The following CSMD1 variants were observed in gnomAD, a reference collection of about 807,000 sequenced individuals.
CSMD1 encodes CUB and Sushi multiple domains 1, also known as CUB and sushi domain-containing protein 1.
A neutral mutation model predicts 417.5 loss-of-function variants in CSMD1; 213 were observed. The observed-to-expected ratio is 0.51, with a 90% CI of 0.46 to 0.57. The LOEUF (loss-of-function observed/expected upper bound fraction) is 0.57. CSMD1 is among the 20% of genes least tolerant of loss of function. The pLI is 0.00. For missense variants in CSMD1, 6,923 were observed against 4,529.7 expected, an observed-to-expected ratio of 1.53 and a Z score of -15.17; for synonymous variants, 2,862 against 1,736.8, an observed-to-expected ratio of 1.65 and a Z score of -16.11.
At chr8:4,925,790 G>A (rs1335135463) in intron 1 of CSMD1, among the ~76,000 whole-genome samples, 1 of 151,996 alleles carries the variant, frequency 6.6e-6, no homozygotes, top group Non-Finnish European at 1.5e-5. Context: ...CTCGTGATCC[G>A]CCCTCCTCGG....
At chr8:4,576,215 C>G (rs952567120) in intron 2 of CSMD1, among the ~76,000 whole-genome samples, 2 of 152,192 alleles carry the variant, frequency 1.3e-5, no homozygotes, top group African/African-American at 4.8e-5. Flanking sequence ...ACTCCAGTCC[C>G]CACCTCGTCT....
intron 10 of CSMD1, among the ~76,000 whole-genome samples, chr8:3,511,429 C>A (rs1032225082): frequency 1.3e-5 from 2 of 151,488 alleles, no homozygotes; most frequent in Admixed American, 1.3e-4. Context: ...ATGATCTGTA[C>A]CTATCCTCCA....
chr8:4,462,028 C>A (rs1301143371), intron 2 of CSMD1, among the ~76,000 whole-genome samples: 2 of 151,910 alleles, frequency 1.3e-5, no homozygotes, highest in Non-Finnish European at 2.9e-5. Context: ...GGCTGAGCCA[C>A]CACGTCTGGC....
rs59633283 is a variant in CSMD1, at chr8:4,522,789, T to A, written c.303-102724A>T. Among the ~76,000 whole-genome samples, 522 of 152,278 alleles carry A rather than the reference T, an allele frequency of 3.4e-3. 4 individuals are homozygous for A. The highest frequency in any genetic ancestry group is 0.011 in the African/African-American group (446 of 41,566). On this transcript the variant is annotated intron_variant, in intron 2 of 69. Coordinates refer to ENST00000635120, the MANE Select transcript of CSMD1 (RefSeq NM_033225.6). ...TGAAGGAGTCCTGGTAGCAGTGATG[T>A]GGCAAGGACTGCAGAAATAAGAACA...
At chr8:3,498,611 T>C (rs1260671312) in intron 10 of CSMD1, among the ~76,000 whole-genome samples, 2 of 152,212 alleles carry the variant, frequency 1.3e-5, no homozygotes, top group Non-Finnish European at 2.9e-5. Flanking sequence ...TCTGATCTCT[T>C]CTCCTTCTAG....
At chr8:4,065,667 C>T (rs1799208050) in intron 3 of CSMD1, among the ~76,000 whole-genome samples, 1 of 152,200 alleles carries the variant, frequency 6.6e-6, no homozygotes, top group South Asian at 2.1e-4. Context: ...CATGACACTA[C>T]CAACTTCTGG....
intron 41 of CSMD1, among the ~76,000 whole-genome samples, chr8:3,126,333 G>C (rs998386706): frequency 6.6e-6 from 1 of 152,224 alleles, no homozygotes; most frequent in African/African-American, 2.4e-5. Flanking sequence ...TCAAGGCAAA[G>C]CCCTCGAGCA....
At chr8:3,178,250 T>G (rs577856843) in intron 37 of CSMD1, among the ~76,000 whole-genome samples, 1 of 152,116 alleles carries the variant, frequency 6.6e-6, no homozygotes, top group South Asian at 2.1e-4. Context: ...CAGTGTCCAT[T>G]TGGATGTACT....
intron 1 of CSMD1, among the ~76,000 whole-genome samples, chr8:4,775,171 C>G (rs998307349): frequency 6.6e-6 from 1 of 152,124 alleles, no homozygotes; most frequent in Non-Finnish European, 1.5e-5. Flanking sequence ...TTCTAATATT[C>G]TCAACATCAA....
chr8:3,928,287 T>G (rs1168386859), intron 5 of CSMD1, among the ~76,000 whole-genome samples: 1 of 152,218 alleles, frequency 6.6e-6, no homozygotes, highest in Non-Finnish European at 1.5e-5. Context: ...AATGTTACAT[T>G]GATTATTCAA....
intron 2 of CSMD1, among the ~76,000 whole-genome samples, chr8:4,484,994 AAAAAAAAAAAAAAAAAAAAAAAAAAAG>A (rs1801298350): frequency 4.7e-5 from 1 of 21,450 alleles, no homozygotes; most frequent in South Asian, 1.8e-3. Flanking sequence ...AAAAAAAAAA[AAAAAAAAAAAAAAAAAAAAAAAAAAAG>A]AAAGAGTCAC....
chr8:3,859,309 C>T (rs1804527894), intron 5 of CSMD1, among the ~76,000 whole-genome samples: 1 of 152,218 alleles, frequency 6.6e-6, no homozygotes, highest in African/African-American at 2.4e-5. Context: ...TGGCAACCTA[C>T]ATTCGCTCGG....
intron 6 of CSMD1, among the ~76,000 whole-genome samples, chr8:3,737,355 C>A (rs1484743098): frequency 6.6e-6 from 1 of 152,156 alleles, no homozygotes; most frequent in African/African-American, 2.4e-5. Context: ...TGTGACCCCC[C>A]TTTCTCTATC....
intron 5 of CSMD1, among the ~76,000 whole-genome samples, chr8:3,834,433 G>A (rs968218822): frequency 2.6e-5 from 4 of 152,268 alleles, no homozygotes; most frequent in East Asian, 1.9e-4. Context: ...AAGTGGGGCA[G>A]ACTCACTGGG....
intron 5 of CSMD1, among the ~76,000 whole-genome samples, chr8:3,879,364 T>A (rs943834655): frequency 1.3e-4 from 20 of 152,244 alleles, no homozygotes; most frequent in South Asian, 6.2e-4. Context: ...ATCTAAGGAA[T>A]CTCTATAGAC....
intron 5 of CSMD1, among the ~76,000 whole-genome samples, chr8:3,916,572 T>A (rs1346338118): frequency 6.6e-6 from 1 of 152,172 alleles, no homozygotes; most frequent in Non-Finnish European, 1.5e-5. Context: ...AGTATGATTG[T>A]ATGAACATTA....
At chr8:4,962,167 TA>T (rs1202586780) in intron 1 of CSMD1, among the ~76,000 whole-genome samples, 1 of 149,814 alleles carries the variant, frequency 6.7e-6, no homozygotes, top group Non-Finnish European at 1.5e-5. Context: ...CACAAAACAA[TA>T]ATATAAATGT....
In CSMD1 at chr8:4,283,006, C is replaced by T. The variant is rs542004538; in HGVS notation, c.415+136947G>A. On this transcript the variant is annotated intron_variant, in intron 3 of 69. Coordinates refer to ENST00000635120, the MANE Select transcript of CSMD1 (RefSeq NM_033225.6). ...TACTGCACATTAGTCATTCTGCCTG[C>T]ATTGTATCCCTTTGATTATATTTTC... is the stretch of plus-strand genomic sequence containing the variant. 1.5e-4 allele frequency among the ~76,000 whole-genome samples: 23 copies of T among 152,200 alleles called. No individual in the cohort carries two copies. The South Asian group carries it at 3.9e-3, about 26-fold the overall frequency.
intron 21 of CSMD1, among the ~76,000 whole-genome samples, chr8:3,356,019 C>G (rs1326804415): frequency 2.0e-5 from 3 of 152,146 alleles, no homozygotes; most frequent in African/African-American, 4.8e-5. Flanking sequence ...AAGTTTCCAT[C>G]TCTTTCATTT....
Sources: gnomAD v4.1 joint callset for allele counts (sites outside exome capture counted in the v4.1 genomes callset) on GRCh38, gnomAD v4.1.1 for gene constraint, MANE v1.5 for transcripts, NCBI Gene and HGNC (gene_info 2026-07-23, HGNC 2026-07-21) for gene names.